Variants in IL10RA observed in about 807,000 individuals in gnomAD.
The protein encoded by IL10RA is interleukin 10 receptor subunit alpha, also known as interleukin-10 receptor subunit alpha.
In IL10RA, 18 loss-of-function variants were observed where a neutral mutation model predicts 29.6. The observed-to-expected ratio is 0.61, with a 90% CI of 0.42 to 0.90. The LOEUF is 0.90. IL10RA is among the 40% of genes least tolerant of loss of function. The pLI is 0.00. For synonymous variants in IL10RA, 292 were observed against 294.1 expected (o/e 0.99, Z 0.07); for missense variants, 634 against 716.6 (o/e 0.88, Z 1.32).
chr11:117,986,857 G>GTTTA (rs1199974203), intron 1 of IL10RA: 1 of 1,427,134 alleles, frequency 7.0e-7, no homozygotes, highest in African/African-American at 1.4e-5. Flanking sequence ...TTCAAATGAT[G>GTTTA]GGACTTCTTG....
At chr11:117,988,062 A>C (rs577278896) in intron 1 of IL10RA, 1 of 412,708 alleles carries the variant, frequency 2.4e-6, no homozygotes, top group Admixed American at 3.6e-5. Flanking sequence ...GCCAGGGACT[A>C]ACACATCTGA....
chr11:117,998,078 A>C (rs1026731803), intron 6 of IL10RA, among the ~76,000 whole-genome samples: 6 of 152,164 alleles, frequency 3.9e-5, no homozygotes, highest in African/African-American at 1.4e-4. Flanking sequence ...CAGCCCCTTC[A>C]CTGTGAGTTC....
intron 4 of IL10RA, 140 bp from the exon 5 acceptor site, chr11:117,993,859 G>C: frequency 2.8e-6 from 2 of 719,404 alleles, no homozygotes; most frequent in South Asian, 3.0e-5. Context: ...GTGCTGCATT[G>C]GTAATTGTGG....
rs4252274 is a variant in IL10RA at position 117,994,246 on chromosome 11, G to C, written c.688+97G>C. 29,701 of 1,030,068 alleles carry C rather than the reference G, an allele frequency of 0.029. 3,717 individuals carry two copies. The African/African-American group carries it at 0.33, about 12-fold the overall frequency. The allele number at this position is 1,030,068 out of a possible 1,614,324, so 63.8% of individuals were successfully genotyped here. A position where few individuals can be genotyped will look rare whatever the true frequency, so the allele number is the denominator to read the frequency against. On this transcript the variant is annotated intron_variant, in intron 5 of 6. Transcript: ENST00000227752. ...ACCTGGGATGCTGGTGCCAGCCACT[G>C]TGTTAGGTGCTGCTTCACATAGCTC...
rs987089705 is a variant in IL10RA at position 117,999,932 on chromosome 11, G to T, written c.*291G>T. ...AGGGCAGGGACCTTCTCCCTCCTAG[G>T]AACTCTTTCCTGTATCATAAAGGAT... is the stretch of plus-strand genomic sequence containing the variant. On this transcript the variant is annotated 3_prime_UTR_variant, in exon 7 of 7. Transcript: ENST00000227752. 2 of 603,372 alleles carry T rather than the reference G, an allele frequency of 3.3e-6. No individual in the cohort carries two copies. Among genetic ancestry groups the T allele is most frequent in the Admixed American group, 4.3e-5 (2 of 46,920 alleles). The allele number at this position is 603,372 out of a possible 1,614,324, so 37.4% of individuals were successfully genotyped here. A position where few individuals can be genotyped will look rare whatever the true frequency, so the allele number is the denominator to read the frequency against.
At chr11:117,992,395 G>A (rs1008976320) in intron 3 of IL10RA, among the ~76,000 whole-genome samples, 3 of 152,188 alleles carry the variant, frequency 2.0e-5, no homozygotes, top group Admixed American at 6.5e-5. Context: ...AATCTAACAG[G>A]TGTGGAGTGG....
intron 6 of IL10RA, 59 bp downstream of exon 6, chr11:117,995,769 A>G: frequency 1.3e-6 from 2 of 1,584,312 alleles, no homozygotes; most frequent in Non-Finnish European, 1.7e-6. Context: ...AGCTTCCAGG[A>G]GGGCAGGGAG....
In IL10RA at chr11:117,994,136, C is replaced by T; in HGVS notation, c.675C>T (p.Ser225=). ...TGTGGTCTAAAGAGGAGTGCATCTCCCTCACCAGGCAGTGTGAGTCAGCTG... is the reference window on the plus strand; with the variant it reads ...TGTGGTCTAAAGAGGAGTGCATCTCTCTCACCAGGCAGTGTGAGTCAGCTG... ...KGMWSKEECI[S]LTRQYFTVTN... The change falls in exon 5 of 7, where the codon TCC becomes TCT. Residue 225 remains serine (S), a synonymous_variant. Transcript: ENST00000227752. 1.2e-6 allele frequency: 2 copies of T among 1,614,056 alleles called. No individual in the cohort carries two copies. Among genetic ancestry groups the T allele is most frequent in the Non-Finnish European group, 8.5e-7 (1 of 1,179,972 alleles).
intron 1 of IL10RA, chr11:117,987,297 CACA>C (rs1295522421): frequency 1.1e-5 from 2 of 183,880 alleles, no homozygotes; most frequent in East Asian, 1.3e-4. Flanking sequence ...GCCCAAATAC[CACA>C]ACGACTCGCT....
downstream of IL10RA, chr11:118,002,692 T>C (rs1418386686): frequency 6.6e-6 from 1 of 152,270 alleles, no homozygotes; most frequent in Non-Finnish European, 1.5e-5. Context: ...GCTCCGTTTC[T>C]GTGGAATGAG....
In IL10RA at chr11:117,988,513, G is replaced by C. The variant is rs747049543; in HGVS notation, c.188+11G>C. 3 of 1,614,026 alleles carry C rather than the reference G, an allele frequency of 1.9e-6. No homozygotes were observed. Among genetic ancestry groups the C allele is most frequent in the Non-Finnish European group, 1.7e-6 (2 of 1,179,902 alleles). On this transcript the variant is annotated intron_variant, in intron 2 of 6. Coordinates refer to ENST00000227752, the MANE Select transcript of IL10RA (RefSeq NM_001558.4). ...AGTGGCGCTCCTGAGGTGAGGAAAA[G>C]GGAAGAGGGAGGGGGAGGGAGGAGT...
At chr11:117,996,835 G>T (rs879675512) in intron 6 of IL10RA, among the ~76,000 whole-genome samples, 1 of 152,092 alleles carries the variant, frequency 6.6e-6, no homozygotes, top group Non-Finnish European at 1.5e-5. Flanking sequence ...TGCCCACCTC[G>T]GCCTCCCAAA....
At chr11:117,995,387 C>A in intron 5 of IL10RA, 1 of 643,882 alleles carries the variant, frequency 1.6e-6, no homozygotes, top group South Asian at 1.7e-5. Flanking sequence ...CTGAGGGAAT[C>A]CTTCAGGGCA....
chr11:118,001,298 C>G lies in IL10RA; in HGVS notation c.*1657C>G, dbSNP rs893753954. The G allele has an allele frequency of 5.1e-5, 23 of 454,040 alleles. No homozygotes were observed. Among genetic ancestry groups the G allele is most frequent in the Non-Finnish European group, 1.8e-5 (4 of 226,820 alleles). The allele number at this position is 454,040 out of a possible 1,614,324, so 28.1% of individuals were successfully genotyped here. On this transcript the variant is annotated 3_prime_UTR_variant, in exon 7 of 7. Transcript: ENST00000227752. ...ACTTTGCTGTTTCCAGTGGTATGAC[C>G]TTGGAGAAGTCACTTATCCTCTTGG...
At position 118,000,906 on chromosome 11, in the gene IL10RA, G is replaced by T; in HGVS notation, c.*1265G>T. ...CCCAGAAGGGGGCATTATGGGCCCT[G>T]CCTCCCCATAGGCCATTTGGACTCT... On this transcript the variant is annotated 3_prime_UTR_variant, in exon 7 of 7. Transcript: ENST00000227752. 2.2e-6 allele frequency: 1 copy of T among 454,260 alleles called. No homozygotes were observed. The allele number at this position is 454,260 out of a possible 1,614,324, so 28.1% of individuals were successfully genotyped here. A position where few individuals can be genotyped will look rare whatever the true frequency, so the allele number is the denominator to read the frequency against.
At chr11:118,003,002 G>A (rs767061898), downstream of IL10RA, 1 of 152,200 alleles carries the variant, frequency 6.6e-6, no homozygotes, top group African/African-American at 2.4e-5. Flanking sequence ...GAGTGAAGAG[G>A]AAATTCAATA....
rs139471153 is a variant in IL10RA, at chr11:117,994,735, C to T, written c.688+586C>T. On this transcript the variant is annotated intron_variant, in intron 5 of 6. Coordinates refer to ENST00000227752, the MANE Select transcript of IL10RA (RefSeq NM_001558.4). ...GCACAGAGGAGACTGTAACAAGCAA[C>T]TCTTATTGGACAGCAGATGAGATGT... Among the ~76,000 whole-genome samples, 1,140 of 152,292 alleles carry T rather than the reference C, an allele frequency of 7.5e-3. 4 individuals are homozygous for T. Among genetic ancestry groups the T allele is most frequent in the Non-Finnish European group, 0.012 (810 of 68,020 alleles).
chr11:117,992,617 T>C (rs2058030688), intron 3 of IL10RA, among the ~76,000 whole-genome samples: 2 of 152,228 alleles, frequency 1.3e-5, no homozygotes, highest in African/African-American at 4.8e-5. Context: ...TGAACATTTG[T>C]AAATATTTTC....
At position 118,000,052 on chromosome 11, in the gene IL10RA, C is replaced by G. The variant is rs776353911; in HGVS notation, c.*411C>G. The stretch of plus-strand genomic sequence containing the variant: ...CCCAGACCTCCCTGCTTAGGCCACT[C>G]GAGCATCAGAGCTTCCAGCAGGAGG... On this transcript the variant is annotated 3_prime_UTR_variant, in exon 7 of 7. Transcript: ENST00000227752. The G allele has an allele frequency of 1.3e-5, 6 of 461,176 alleles. No homozygotes were observed. Among genetic ancestry groups the G allele is most frequent in the Non-Finnish European group, 2.2e-5 (5 of 231,946 alleles). 28.6% of individuals were successfully genotyped at this position (461,176 alleles called of 1,614,324 possible). A position where few individuals can be genotyped will look rare whatever the true frequency, so the allele number is the denominator to read the frequency against.
Sources: allele counts gnomAD v4.1 joint callset (sites outside exome capture counted in the v4.1 genomes callset), GRCh38; gene constraint gnomAD v4.1.1; transcripts MANE v1.5; gene names NCBI Gene and HGNC (gene_info 2026-07-23, HGNC 2026-07-21).